Variants in NT5C1B observed in about 807,000 individuals in gnomAD.
The protein encoded by NT5C1B is cytosolic 5'-nucleotidase 1B.
In NT5C1B, 44 loss-of-function variants were observed where a neutral mutation model predicts 57.8. That is an observed-to-expected ratio of 0.76 (90% CI 0.60 to 0.98). The LOEUF (loss-of-function observed/expected upper bound fraction) is 0.98. Ranked by LOEUF, NT5C1B falls within the 50% of genes least tolerant of loss-of-function variation. NT5C1B has a pLI of 0.00. For missense variants in NT5C1B, 742 were observed against 719.5 expected, an observed-to-expected ratio of 1.03 and a Z score of -0.36; for synonymous variants, 284 against 282.6, an observed-to-expected ratio of 1.00 and a Z score of -0.05.
intron 6 of NT5C1B, among the ~76,000 whole-genome samples, 164 bp downstream of exon 6, chr2:18,582,704 A>G (rs16985296): frequency 0.12 from 17,982 of 152,218 alleles, 1,679 homozygotes; most frequent in African/African-American, 0.25. Context: ...AAAAATGAAC[A>G]TGGCCTCTCT....
exon 1 of NT5C1B, chr2:18,589,454 A>G (rs1307628337): frequency 6.2e-7 from 1 of 1,614,012 alleles, no homozygotes; most frequent in Admixed American, 1.7e-5. Flanking sequence ...TCTGTTTGAG[A>G]GATGTTTGAC....
At position 18,584,861 on chromosome 2, in the gene NT5C1B, G is replaced by T; in HGVS notation, c.376C>A (p.Pro126Thr). The change falls in exon 4 of 9, where the codon CCC becomes ACC. Residue 126 changes from proline to threonine, a missense_variant. Coordinates refer to ENST00000304081, the Ensembl canonical transcript of NT5C1B. The surrounding 1 kb of genome is among the most constrained non-coding windows in gnomAD (Gnocchi z 5.8). ...GGAGGCCGCGAGTCCAGCGACCGGG[G>T]CAGCTGGGGCGACGCGGGTGGCTGG... 6.2e-7 allele frequency: 1 copy of T among 1,602,868 alleles called. No individual in the cohort carries two copies.
At chr2:18,583,849 A>G (rs1400837544) in intron 5 of NT5C1B, 4 of 698,662 alleles carry the variant, frequency 5.7e-6, no homozygotes, top group Non-Finnish European at 7.9e-6. Flanking sequence ...TCTCATGATT[A>G]GGACTTCACT....
chr2:18,586,936 C>T (rs749543124), intron 2 of NT5C1B: 44 of 1,612,566 alleles, frequency 2.7e-5, no homozygotes, highest in Non-Finnish European at 3.7e-5. Context: ...CATATTCTTC[C>T]CCTCACCCAG....
chr2:18,586,502 A>C, intron 2 of NT5C1B, 111 bp from the exon 3 acceptor site: 1 of 1,483,402 alleles, frequency 6.7e-7, no homozygotes, highest in East Asian at 2.3e-5. Context: ...CCCAGTGAGA[A>C]GATCCCTGGC....
chr2:18,572,112 A>G (rs1426675729), intron 8 of NT5C1B, among the ~76,000 whole-genome samples: 2 of 151,160 alleles, frequency 1.3e-5, no homozygotes, highest in Middle Eastern at 3.4e-3. Context: ...AAGAACTACT[A>G]TAAAACTACA....
At chr2:18,577,190 G>A (rs1238544628) in intron 6 of NT5C1B, among the ~76,000 whole-genome samples, 4 of 151,918 alleles carry the variant, frequency 2.6e-5, no homozygotes, top group African/African-American at 9.7e-5. Context: ...CATACTGAAG[G>A]TATTATTATC....
chr2:18,584,763 T>G lies in NT5C1B; in HGVS notation c.474A>C (p.Gln158His). Residue 158 changes from glutamine (Q) to histidine (H), a missense_variant, in exon 4 of 9, where the codon CAA (glutamine) becomes CAC (histidine). By Grantham distance (24) the Gln-to-His change is conservative. Transcript: ENST00000304081. The surrounding 1 kb of genome is among the most constrained non-coding windows in gnomAD (Gnocchi z 5.8). Reference sequence around the variant, plus strand: ...TCTGGCGGATTTCCCGCACGATGCCTTGGGCCCAGGCCTCCGGATTCTCTT... The same window carrying G: ...TCTGGCGGATTTCCCGCACGATGCCGTGGGCCCAGGCCTCCGGATTCTCTT... The G allele has an allele frequency of 6.2e-7, 1 of 1,613,650 alleles. No homozygotes were observed. The highest frequency in any genetic ancestry group is 8.5e-7 in the Non-Finnish European group (1 of 1,179,824).
rs771104166 is a variant in NT5C1B at position 18,584,485 on chromosome 2, C to G, written c.723+29G>C. ...GAAGAGGCTGCAAGGAAGGGCGCCC[C>G]GGCTGCCAGGGGCGGCGGGCTGGCT... On this transcript the variant is annotated intron_variant, in intron 4 of 8. Transcript: ENST00000304081. The surrounding 1 kb of genome is among the most constrained non-coding windows in gnomAD (Gnocchi z 5.8). The G allele has an allele frequency of 7.0e-5, 111 of 1,594,708 alleles. No individual in the cohort carries two copies. Among genetic ancestry groups the G allele is most frequent in the Non-Finnish European group, 8.9e-5 (104 of 1,171,564 alleles).
chr2:18,572,083 C>T, intron 8 of NT5C1B, among the ~76,000 whole-genome samples: 1 of 97,414 alleles, frequency 1.0e-5, no homozygotes, highest in African/African-American at 4.0e-5. Flanking sequence ...GAGACTCTGT[C>T]AAAAAAAAAA....
chr2:18,576,822 G>T, exon 7 of NT5C1B: 1 of 1,613,928 alleles, frequency 6.2e-7, no homozygotes, highest in Non-Finnish European at 8.5e-7. Context: ...CAATATACAA[G>T]TTGGTAAGAT....
intron 8 of NT5C1B, 43 bp downstream of exon 8, chr2:18,576,141 A>G (rs1665648891): frequency 6.6e-7 from 1 of 1,521,306 alleles, no homozygotes; most frequent in African/African-American, 1.4e-5. Flanking sequence ...ATATTAGAAA[A>G]TAAATAAGTA....
At chr2:18,576,307 G>A (rs549734951) in exon 8 of NT5C1B, 3 of 1,613,780 alleles carry the variant, frequency 1.9e-6, no homozygotes, top group Middle Eastern at 1.7e-4. Flanking sequence ...AGGCTACACG[G>A]AGCTGAGTGT....
Position 18,573,938 on chromosome 2 carries a change from G to A in NT5C1B, c.1329+2246C>T, listed in dbSNP as rs547028484. ...GGATTCACAATTTTAATTGTTTAAT[G>A]GGAGAAAAAGGCAATTTAAGGAGCA... On this transcript the variant is annotated intron_variant, in intron 8 of 8. Coordinates refer to ENST00000304081, the Ensembl canonical transcript of NT5C1B. 3.5e-4 allele frequency among the ~76,000 whole-genome samples: 54 copies of A among 152,156 alleles called. No individual in the cohort carries two copies. In the South Asian group the frequency reaches 0.011, roughly 31 times the overall value.
intron 5 of NT5C1B, 150 bp from the exon 6 acceptor site, chr2:18,583,147 T>C: frequency 1.9e-6 from 2 of 1,046,322 alleles, no homozygotes; most frequent in South Asian, 3.9e-5. Flanking sequence ...ATTTATCCCA[T>C]GCATTTCTGT....
chr2:18,583,871 A>G (rs759118430), intron 5 of NT5C1B: 6 of 769,516 alleles, frequency 7.8e-6, no homozygotes, highest in African/African-American at 3.4e-5. Flanking sequence ...AGGGAAGACT[A>G]ACATACCAAA....
At chr2:18,580,948 G>T (rs1227097251) in intron 6 of NT5C1B, among the ~76,000 whole-genome samples, 5 of 152,190 alleles carry the variant, frequency 3.3e-5, no homozygotes, top group African/African-American at 1.2e-4. Context: ...AGGGTGGAGG[G>T]TGGGAGGCGG....
In NT5C1B at chr2:18,587,488, C is replaced by A. The variant is rs1666827973; in HGVS notation, c.120+15G>T. 1 of 1,611,952 alleles carries A rather than the reference C, an allele frequency of 6.2e-7. No homozygotes were observed. The highest frequency in any genetic ancestry group is 1.1e-5 in the South Asian group (1 of 90,490). On this transcript the variant is annotated intron_variant, in intron 2 of 8. Transcript: ENST00000304081. ...CTCCTTAATTTCCTCACCTCTGCTACAGAGATCAGCTCACCTGATTGCTCA... is the reference window on the plus strand; with the variant it reads ...CTCCTTAATTTCCTCACCTCTGCTAAAGAGATCAGCTCACCTGATTGCTCA...
Position 18,584,320 on chromosome 2 carries a change from C to T in NT5C1B, c.724-65G>A. 6.3e-7 allele frequency: 1 copy of T among 1,580,792 alleles called. No homozygotes were observed. The highest frequency in any genetic ancestry group is 8.6e-7 in the Non-Finnish European group (1 of 1,163,176). On this transcript the variant is annotated intron_variant, in intron 4 of 8. Coordinates refer to ENST00000304081, the Ensembl canonical transcript of NT5C1B. The surrounding 1 kb of genome is among the most constrained non-coding windows in gnomAD (Gnocchi z 5.8). Reference sequence around the variant, plus strand: ...CACGAAGAGGACAGGGTTGGGGCTCCTCCAGGGTAGGGTGAGAGTAGGACA... The same window carrying T: ...CACGAAGAGGACAGGGTTGGGGCTCTTCCAGGGTAGGGTGAGAGTAGGACA...
Sources: gnomAD v4.1 joint callset for allele counts (sites outside exome capture counted in the v4.1 genomes callset) on GRCh38, gnomAD v4.1.1 for gene constraint, Gnocchi (gnomAD v3.1) non-coding constraint, MANE v1.5 for transcripts, NCBI Gene and HGNC (gene_info 2026-07-23, HGNC 2026-07-21) for gene names.